The following CADPS2 variants were observed in gnomAD, a reference collection of about 807,000 sequenced individuals.
CADPS2 encodes calcium-dependent secretion activator 2.
CADPS2 carries 93 observed loss-of-function variants against 172.5 expected under a neutral mutation model. That is an observed-to-expected ratio of 0.54 (90% confidence interval 0.46 to 0.64). CADPS2 has a LOEUF of 0.64. Among genes scored for constraint, CADPS2 ranks in the 30% least tolerant of loss-of-function variants. The pLI, the probability that CADPS2 is intolerant of heterozygous loss-of-function variation, is 0.00. For synonymous variants in CADPS2, 546 were observed against 555.2 expected, an observed-to-expected ratio of 0.98 and a Z score of 0.23; for missense variants, 1,420 against 1,565.9, an observed-to-expected ratio of 0.91 and a Z score of 1.57.
At chr7:122,530,274 G>A (rs2061642866) in intron 8 of CADPS2, among the ~76,000 whole-genome samples, 1 of 148,218 alleles carries the variant, frequency 6.7e-6, no homozygotes, top group Non-Finnish European at 1.5e-5. Context: ...TCAACAATAA[G>A]CTTTGAAATA....
At chr7:122,596,147 G>C (rs2133343792) in intron 6 of CADPS2, among the ~76,000 whole-genome samples, 1 of 152,174 alleles carries the variant, frequency 6.6e-6, no homozygotes, top group South Asian at 2.1e-4. Context: ...CACCTGCTGT[G>C]GATTTCCCAT....
At chr7:122,835,457 A>C (rs573182241) in intron 1 of CADPS2, among the ~76,000 whole-genome samples, 5 of 152,386 alleles carry the variant, frequency 3.3e-5, no homozygotes, top group Non-Finnish European at 7.3e-5. Flanking sequence ...GAGTTGAGAG[A>C]AGAAGGCTTC....
chr7:122,696,043 T>C (rs530716561), intron 2 of CADPS2, among the ~76,000 whole-genome samples: 2 of 152,328 alleles, frequency 1.3e-5, no homozygotes, highest in African/African-American at 4.8e-5. Context: ...TTCATTGTCA[T>C]AGCTCTAGTG....
Position 122,361,020 on chromosome 7 carries a change from TAC to T in CADPS2, c.3388-9_3388-8del. 6.3e-7 allele frequency: 1 copy of T among 1,599,470 alleles called. No homozygotes were observed. On this transcript the variant is annotated splice_polypyrimidine_tract_variant and splice_region_variant and intron_variant, in intron 25 of 29. Transcript: ENST00000449022. ...CTTCCAACACTGAAACAAACTATAA[TAC>T]AGTTATAGTGAGTATTTAGAATGTT...
At chr7:122,718,792 C>G (rs2136999728) in intron 2 of CADPS2, among the ~76,000 whole-genome samples, 1 of 152,234 alleles carries the variant, frequency 6.6e-6, no homozygotes, top group Non-Finnish European at 1.5e-5. Flanking sequence ...GCTCAAGACT[C>G]TAATCATAAG....
At chr7:122,606,553 T>C (rs2073572163) in intron 6 of CADPS2, among the ~76,000 whole-genome samples, 1 of 152,078 alleles carries the variant, frequency 6.6e-6, no homozygotes, top group Non-Finnish European at 1.5e-5. Flanking sequence ...CACATGGAAC[T>C]TCTAGAAAAA....
At chr7:122,639,466 C>T (rs549118201) in intron 3 of CADPS2, among the ~76,000 whole-genome samples, 2 of 152,264 alleles carry the variant, frequency 1.3e-5, no homozygotes, top group Admixed American at 1.3e-4. Context: ...CAACCAGGAT[C>T]CTGACTTTGG....
At chr7:122,676,859 T>C (rs1027513966) in intron 2 of CADPS2, 1 of 509,488 alleles carries the variant, frequency 2.0e-6, no homozygotes, top group Non-Finnish European at 3.5e-6. Flanking sequence ...CCAGGTCACT[T>C]TGTGTGCCCA....
chr7:122,415,601 C>CAAAAAAAAAAAAAAAAAAAA (rs549530021), intron 18 of CADPS2, among the ~76,000 whole-genome samples: 3 of 64,956 alleles, frequency 4.6e-5, no homozygotes. Flanking sequence ...AATACAGAAC[C>CAAAAAAAAAAAAAAAAAAAA]AAAAAAAAAA....
At chr7:122,532,727 C>T (rs2061886645) in intron 8 of CADPS2, among the ~76,000 whole-genome samples, 1 of 152,030 alleles carries the variant, frequency 6.6e-6, no homozygotes, top group Non-Finnish European at 1.5e-5. Flanking sequence ...AGAATAAAAG[C>T]CAACCATCTC....
chr7:122,510,440 A>G (rs1216133870), intron 9 of CADPS2, among the ~76,000 whole-genome samples: 2 of 152,144 alleles, frequency 1.3e-5, no homozygotes, highest in Non-Finnish European at 2.9e-5. Flanking sequence ...TTTACATGAG[A>G]GTCTTTGAAA....
intron 17 of CADPS2, among the ~76,000 whole-genome samples, chr7:122,426,440 A>G (rs1312128673): frequency 1.5e-5 from 2 of 131,968 alleles, no homozygotes; most frequent in Non-Finnish European, 3.3e-5. Context: ...CCTCTTTGAA[A>G]TTAAAATATA....
chr7:122,848,530 C>T (rs1363139189), intron 1 of CADPS2, among the ~76,000 whole-genome samples: 1 of 152,122 alleles, frequency 6.6e-6, no homozygotes, highest in Non-Finnish European at 1.5e-5. Flanking sequence ...CAGTATCTGT[C>T]CCTGGTTGGT....
intron 8 of CADPS2, among the ~76,000 whole-genome samples, chr7:122,541,831 T>G (rs1170395220): frequency 1.4e-4 from 15 of 108,220 alleles, no homozygotes; most frequent in Non-Finnish European, 2.6e-4. Context: ...GTTTATATAT[T>G]CATATGTTTA....
chr7:122,817,174 T>C (rs1316879455), intron 1 of CADPS2, among the ~76,000 whole-genome samples: 1 of 152,198 alleles, frequency 6.6e-6, no homozygotes, highest in Non-Finnish European at 1.5e-5. Context: ...CGGACGCACA[T>C]GAAATTTGGT....
At chr7:122,644,900 T>C (rs929995106) in intron 3 of CADPS2, among the ~76,000 whole-genome samples, 1 of 152,118 alleles carries the variant, frequency 6.6e-6, no homozygotes, top group Non-Finnish European at 1.5e-5. Context: ...TTCTAAATTA[T>C]GCATTAAAAA....
intron 17 of CADPS2, among the ~76,000 whole-genome samples, chr7:122,429,821 T>C (rs1476976015): frequency 6.6e-6 from 1 of 152,008 alleles, no homozygotes; most frequent in Non-Finnish European, 1.5e-5. Context: ...TGTTATATCA[T>C]CTTAGAAATA....
At chr7:122,415,824 A>G (rs1164620388) in intron 18 of CADPS2, among the ~76,000 whole-genome samples, 1 of 152,228 alleles carries the variant, frequency 6.6e-6, no homozygotes, top group Non-Finnish European at 1.5e-5. Flanking sequence ...TTATACACAC[A>G]CACAATTGCT....
chr7:122,623,024 T>C (rs2075751806), intron 4 of CADPS2, among the ~76,000 whole-genome samples: 1 of 152,184 alleles, frequency 6.6e-6, no homozygotes. Context: ...CATATTTCTT[T>C]TTAAAATAAT....
Sources: gnomAD v4.1 joint callset for allele counts (sites outside exome capture counted in the v4.1 genomes callset) on GRCh38, gnomAD v4.1.1 for gene constraint, MANE v1.5 for transcripts, NCBI Gene and HGNC (gene_info 2026-07-23, HGNC 2026-07-21) for gene names.